Variants in WWOX observed in about 807,000 individuals in gnomAD.
The protein encoded by WWOX is WW domain containing oxidoreductase.
Under a neutral mutation model 46.2 loss-of-function variants are expected in WWOX, and 69 were observed. The ratio of observed to expected loss-of-function variants is 1.49; its 90% CI spans 1.23 to 1.82. WWOX has a LOEUF of 1.82. WWOX is among the 40% of genes most tolerant of loss of function. The pLI, the probability that WWOX is intolerant of heterozygous loss-of-function variation, is 0.00. For synonymous variants in WWOX, 359 were observed against 202.6 expected, an observed-to-expected ratio of 1.77 and a Z score of -6.56; for missense variants, 919 against 542.6, an observed-to-expected ratio of 1.69 and a Z score of -6.89.
chr16:78,726,853 A>G (rs761700614), intron 8 of WWOX, among the ~76,000 whole-genome samples: 10 of 152,100 alleles, frequency 6.6e-5, no homozygotes, highest in Non-Finnish European at 8.8e-5. Context: ...CATCTGTACA[A>G]TGAGAGTTGA....
At chr16:79,118,033 A>C (rs914961761) in intron 8 of WWOX, among the ~76,000 whole-genome samples, 2 of 152,212 alleles carry the variant, frequency 1.3e-5, no homozygotes, top group African/African-American at 4.8e-5. Context: ...TTTTCTTTGC[A>C]TTCACAACTT....
intron 8 of WWOX, among the ~76,000 whole-genome samples, chr16:78,829,648 G>T (rs1367385834): frequency 1.3e-5 from 2 of 152,090 alleles, no homozygotes; most frequent in Non-Finnish European, 2.9e-5. Flanking sequence ...GCCTGTACTA[G>T]GTTCTGTGCC....
chr16:78,839,799 A>G (rs1269459292), intron 8 of WWOX, among the ~76,000 whole-genome samples: 1 of 151,964 alleles, frequency 6.6e-6, no homozygotes, highest in East Asian at 1.9e-4. Context: ...GGCTTGAAGA[A>G]CCCACCTCCT....
chr16:78,959,372 G>A (rs1253649468), intron 8 of WWOX, among the ~76,000 whole-genome samples: 3 of 152,244 alleles, frequency 2.0e-5, no homozygotes, highest in Admixed American at 2.0e-4. Context: ...GAGAGATAGA[G>A]ATGTCCATGT....
chr16:79,062,632 A>G (rs2048375807), intron 8 of WWOX, among the ~76,000 whole-genome samples: 1 of 152,170 alleles, frequency 6.6e-6, no homozygotes, highest in Admixed American at 6.5e-5. Context: ...TACATTTAAA[A>G]AAAAAAGGCT....
intron 5 of WWOX, among the ~76,000 whole-genome samples, chr16:78,212,555 G>T (rs1408095160): frequency 6.6e-6 from 1 of 152,192 alleles, no homozygotes; most frequent in Non-Finnish European, 1.5e-5. Flanking sequence ...TAGCTGAAAT[G>T]TGGGTGAGTT....
At chr16:78,996,813 T>C (rs2046999419) in intron 8 of WWOX, among the ~76,000 whole-genome samples, 1 of 152,168 alleles carries the variant, frequency 6.6e-6, no homozygotes, top group Non-Finnish European at 1.5e-5. Flanking sequence ...GTAGGCACTG[T>C]TTATAGAGCC....
chr16:78,456,839 A>T (rs1242312280), intron 8 of WWOX, among the ~76,000 whole-genome samples: 1 of 152,264 alleles, frequency 6.6e-6, no homozygotes, highest in Non-Finnish European at 1.5e-5. Flanking sequence ...TGTTAACATG[A>T]TTTAAAATAT....
At chr16:78,478,044 G>A (rs1056653308) in intron 8 of WWOX, among the ~76,000 whole-genome samples, 1 of 152,070 alleles carries the variant, frequency 6.6e-6, no homozygotes, top group Non-Finnish European at 1.5e-5. Context: ...ATCCCCTAAA[G>A]AAATATTCGT....
At chr16:78,693,169 G>C (rs867892519) in intron 8 of WWOX, among the ~76,000 whole-genome samples, 1 of 152,052 alleles carries the variant, frequency 6.6e-6, no homozygotes, top group Non-Finnish European at 1.5e-5. Context: ...GCAATTATTT[G>C]CCCATCTCTT....
chr16:79,019,977 C>G (rs780257801), intron 8 of WWOX, among the ~76,000 whole-genome samples: 4 of 152,222 alleles, frequency 2.6e-5, no homozygotes, highest in Non-Finnish European at 4.4e-5. Flanking sequence ...TAGCCTCTCA[C>G]TTCTCTACTA....
At chr16:78,650,168 G>C (rs928527478) in intron 8 of WWOX, among the ~76,000 whole-genome samples, 1 of 152,164 alleles carries the variant, frequency 6.6e-6, no homozygotes, top group Non-Finnish European at 1.5e-5. Flanking sequence ...ATAAAAAAGA[G>C]TGTTTGGCTA....
chr16:78,187,658 G>A (rs528562427), intron 5 of WWOX, among the ~76,000 whole-genome samples: 6 of 152,178 alleles, frequency 3.9e-5, no homozygotes, highest in African/African-American at 1.4e-4. Flanking sequence ...TCTTTGAAGG[G>A]TTACAGAAAC....
At chr16:79,200,212 C>A (rs2051319557) in intron 8 of WWOX, among the ~76,000 whole-genome samples, 4 of 152,216 alleles carry the variant, frequency 2.6e-5, no homozygotes, top group Admixed American at 1.3e-4. Context: ...GGGTTTTAGG[C>A]ACTAGAAATG....
At chr16:78,183,030 A>G (rs887672339) in intron 5 of WWOX, among the ~76,000 whole-genome samples, 5 of 152,058 alleles carry the variant, frequency 3.3e-5, no homozygotes, top group African/African-American at 9.7e-5. Context: ...TGGTTTTTAA[A>G]TATGCATCTA....
At chr16:79,052,728 C>T (rs1479263602) in intron 8 of WWOX, among the ~76,000 whole-genome samples, 1 of 152,190 alleles carries the variant, frequency 6.6e-6, no homozygotes, top group Non-Finnish European at 1.5e-5. Context: ...TCTCTCATGG[C>T]AAAACTGCTG....
intron 5 of WWOX, among the ~76,000 whole-genome samples, chr16:78,210,893 A>C (rs575240319): frequency 3.9e-5 from 6 of 152,334 alleles, no homozygotes; most frequent in African/African-American, 1.4e-4. Context: ...TCCTACTACC[A>C]AATTTAGTAT....
chr16:78,425,824 C>G (rs2083062642), intron 7 of WWOX, among the ~76,000 whole-genome samples: 1 of 152,020 alleles, frequency 6.6e-6, no homozygotes, highest in African/African-American at 2.4e-5. Flanking sequence ...AACTTACACT[C>G]TTAGCAAAGT....
At chr16:78,709,385 C>T (rs888163619) in intron 8 of WWOX, among the ~76,000 whole-genome samples, 1 of 152,206 alleles carries the variant, frequency 6.6e-6, no homozygotes, top group East Asian at 1.9e-4. Flanking sequence ...CTCGGCCATT[C>T]CGGTTCACAG....
Sources: allele counts gnomAD v4.1 joint callset (sites outside exome capture counted in the v4.1 genomes callset), GRCh38; gene constraint gnomAD v4.1.1; transcripts MANE v1.5; gene names NCBI Gene and HGNC (gene_info 2026-07-23, HGNC 2026-07-21).